Variants in AFMID observed in about 807,000 individuals in gnomAD.
AFMID encodes arylformamidase, also known as kynurenine formamidase.
In AFMID, 39 loss-of-function variants were observed where a neutral mutation model predicts 47.5. The observed-to-expected ratio is 0.82, with a 90% CI of 0.64 to 1.07. The LOEUF (loss-of-function observed/expected upper bound fraction) is 1.07, where lower values mean the gene tolerates loss of function less well. AFMID is among the 50% of genes least tolerant of loss of function. The probability of loss-of-function intolerance (pLI) is 0.00; values close to 1 mark genes in which losing one functional copy is unlikely to be tolerated. For synonymous variants in AFMID, 130 were observed against 153.2 expected (o/e 0.85, Z 1.12); for missense variants, 375 against 387.5 (o/e 0.97, Z 0.27).
intron 2 of AFMID, among the ~76,000 whole-genome samples, chr17:78,201,891 T>C (rs557746188): frequency 7.3e-5 from 11 of 151,686 alleles, no homozygotes; most frequent in African/African-American, 1.4e-4. Context: ...CCACCACGCC[T>C]GGCTAATTTT....
In AFMID at chr17:78,206,012, G is replaced by T. The variant is rs1231779679; in HGVS notation, c.847G>T (p.Val283Phe). Residue 283 changes from valine to phenylalanine, a missense_variant, in exon 10 of 11, where the codon GTT becomes TTT. By Grantham distance (50) the Val-to-Phe change is conservative. Transcript: ENST00000409257. ...CCACGATGTGGACCACTTTGAAATT[G>T]TTGAGAATCTGACCCAGAAGGACAA... The part of the protein sequence containing the change: ...ELHDVDHFEI[V>F]ENLTQKDNVL... The T allele has an allele frequency of 7.4e-6, 12 of 1,613,984 alleles. No individual in the cohort carries two copies. Among genetic ancestry groups the T allele is most frequent in the Non-Finnish European group, 9.3e-6 (11 of 1,180,030 alleles).
intron 10 of AFMID, 86 bp downstream of exon 10, chr17:78,206,136 G>C: frequency 8.6e-7 from 1 of 1,159,988 alleles, no homozygotes; most frequent in Non-Finnish European, 1.3e-6. Flanking sequence ...AGGAGTTCAA[G>C]ACCAGCCTGG....
At chr17:78,205,002 G>T (rs777615789) in intron 6 of AFMID, 91 bp from the exon 7 acceptor site, 2 of 1,574,730 alleles carry the variant, frequency 1.3e-6, no homozygotes, top group South Asian at 2.2e-5. Context: ...CTGGCCTGTG[G>T]AGCAGAAAGC....
chr17:78,207,000 T>C lies in AFMID; in HGVS notation c.*63T>C. 6.4e-7 allele frequency: 1 copy of C among 1,563,272 alleles called. No homozygotes were observed. ...ACCTTGGGAAGCCTCTCCAAAGAGC[T>C]TTCGGAGCTGACACTGACAGCTTCA... On this transcript the variant is annotated 3_prime_UTR_variant, in exon 11 of 11. Coordinates refer to ENST00000409257, the MANE Select transcript of AFMID (RefSeq NM_001010982.5).
chr17:78,206,409 C>G (rs2076384164), intron 10 of AFMID, among the ~76,000 whole-genome samples: 1 of 145,416 alleles, frequency 6.9e-6, no homozygotes, highest in African/African-American at 2.5e-5. Flanking sequence ...CATCTTGTTT[C>G]TTTCTTTTTT....
intron 2 of AFMID, among the ~76,000 whole-genome samples, chr17:78,201,977 G>A (rs1301422000): frequency 2.6e-5 from 4 of 151,422 alleles, no homozygotes; most frequent in Admixed American, 6.6e-5. Context: ...TGATCCACCC[G>A]CCTCGGCCTC....
At chr17:78,205,830 A>C in intron 9 of AFMID, 92 bp downstream of exon 9, 1 of 1,596,364 alleles carries the variant, frequency 6.3e-7, no homozygotes, top group African/African-American at 1.3e-5. Context: ...AAGACCCTCC[A>C]TCATTTATTT....
chr17:78,205,846 G>A (rs2076366668), intron 9 of AFMID, 100 bp from the exon 10 acceptor site: 18 of 1,593,954 alleles, frequency 1.1e-5, no homozygotes, highest in East Asian at 2.2e-5. Flanking sequence ...TATTTAACAC[G>A]TACTGAGTGA....
Position 78,202,598 on chromosome 17 carries a change from C to T in AFMID, c.254C>T (p.Ser85Phe), listed in dbSNP as rs1383390923. Residue 85 changes from serine (S) to phenylalanine (F), a missense_variant, in exon 3 of 11, where the codon TCT becomes TTT. Physicochemically the swap from Ser to Phe is radical, Grantham distance 155. Coordinates refer to ENST00000409257, the MANE Select transcript of AFMID (RefSeq NM_001010982.5). The part of the protein sequence containing the change: ...KVDIYFPDES[S>F]EALPFFLFFH... ...GACATTTACTTCCCCGACGAGTCGT[C>T]TGAAGGTTGTCGGTGAAGGGGCTGG... 1 of 1,613,838 alleles carries T rather than the reference C, an allele frequency of 6.2e-7. No individual in the cohort carries two copies. Among genetic ancestry groups the T allele is most frequent in the Non-Finnish European group, 8.5e-7 (1 of 1,179,844 alleles).
Position 78,205,722 on chromosome 17 carries a change from C to A in AFMID, c.764C>A (p.Ser255Tyr), listed in dbSNP as rs1331735334. The part of the protein sequence containing the change: ...QFDSPEFHRQ[S>Y]WEFYQTLCQG... Reference sequence around the variant, plus strand: ...GACTCCCCCGAATTCCACCGACAGTCCTGGGAGTTTTACCAGGTACTCCCA... The same window carrying A: ...GACTCCCCCGAATTCCACCGACAGTACTGGGAGTTTTACCAGGTACTCCCA... Residue 255 changes from serine (S) to tyrosine (Y), a missense_variant, in exon 9 of 11, where the codon TCC (serine) becomes TAC (tyrosine). Transcript: ENST00000409257. 8 of 1,610,262 alleles carry A rather than the reference C, an allele frequency of 5.0e-6. No individual in the cohort carries two copies. Among genetic ancestry groups the A allele is most frequent in the Non-Finnish European group, 6.8e-6 (8 of 1,180,008 alleles).
intron 1 of AFMID, 187 bp from the exon 2 acceptor site, chr17:78,190,783 A>C: frequency 1.8e-6 from 1 of 557,160 alleles, no homozygotes; most frequent in South Asian, 2.3e-5. Context: ...TAAGGCTGCC[A>C]GCTGGCTAAA....
chr17:78,202,759 G>A lies in AFMID; in HGVS notation c.308+8G>A, dbSNP rs781736221. On this transcript the variant is annotated splice_region_variant and intron_variant, in intron 4 of 10. Transcript: ENST00000409257. ...ATACTGGCAGAGCGGAAGGTGAGTC[G>A]GGGGATGTGGATGGTGGACTGCAAG... 1.6e-4 allele frequency: 246 copies of A among 1,555,060 alleles called. 1 individual carries two copies. Among genetic ancestry groups the A allele is most frequent in the East Asian group, 1.9e-4 (8 of 41,686 alleles).
At chr17:78,197,302 T>G (rs951386577) in intron 2 of AFMID, 3 of 1,243,848 alleles carry the variant, frequency 2.4e-6, no homozygotes. Flanking sequence ...CAAATGCGTC[T>G]GCCTTTTGAC....
chr17:78,187,516 G>A, intron 1 of AFMID, 83 bp downstream of exon 1: 3 of 1,549,714 alleles, frequency 1.9e-6, no homozygotes, highest in Non-Finnish European at 1.8e-6. Flanking sequence ...AGGAAGCTTA[G>A]AAGCCGTCTA....
intron 10 of AFMID, among the ~76,000 whole-genome samples, chr17:78,206,305 C>T (rs187722244): frequency 9.4e-4 from 137 of 144,986 alleles, no homozygotes; most frequent in African/African-American, 3.3e-3. Context: ...CACCACTGCA[C>T]TCCGGCCTGA....
rs904345160 is a variant in AFMID, at chr17:78,204,427, G to A, written c.309-229G>A. Among the ~76,000 whole-genome samples, 6 of 152,322 alleles carry A rather than the reference G, an allele frequency of 3.9e-5. No individual in the cohort carries two copies. The South Asian group carries it at 8.3e-4, about 21-fold the overall frequency. On this transcript the variant is annotated intron_variant, in intron 4 of 10. Coordinates refer to ENST00000409257, the MANE Select transcript of AFMID (RefSeq NM_001010982.5). Reference sequence around the variant, plus strand: ...TGCACTCCAGCCTGGGCGACAGAGCGAGGCCCTATCGCTTAGAAAACAAAA... The same window carrying A: ...TGCACTCCAGCCTGGGCGACAGAGCAAGGCCCTATCGCTTAGAAAACAAAA...
At chr17:78,203,362 CTTTTT>C (rs61422242) in intron 4 of AFMID, 147 of 135,322 alleles carry the variant, frequency 1.1e-3, no homozygotes, top group Admixed American at 1.5e-3. Context: ...CACCAGCCTC[CTTTTT>C]TTTTTTTTTT....
chr17:78,190,901 G>T, intron 1 of AFMID, 69 bp from the exon 2 acceptor site: 1 of 1,438,150 alleles, frequency 7.0e-7, no homozygotes, highest in Non-Finnish European at 9.6e-7. Context: ...AGCCGGGCAT[G>T]GGCGAGGGGG....
intron 2 of AFMID, chr17:78,197,373 G>A (rs1197220357): frequency 3.1e-6 from 2 of 635,930 alleles, no homozygotes; most frequent in African/African-American, 3.7e-5. Context: ...GGTAATGGAT[G>A]TACAAAGCTA....
Sources: allele counts gnomAD v4.1 joint callset (sites outside exome capture counted in the v4.1 genomes callset), GRCh38; gene constraint gnomAD v4.1.1; transcripts MANE v1.5; gene names NCBI Gene and HGNC (gene_info 2026-07-23, HGNC 2026-07-21).